The following G3BP2 variants were observed in gnomAD, a reference collection of about 807,000 sequenced individuals.
The protein encoded by G3BP2 is ras GTPase-activating protein-binding protein 2.
In G3BP2, 11 loss-of-function variants were observed where a neutral mutation model predicts 56.7. The observed-to-expected ratio is 0.19, with a 90% CI of 0.12 to 0.32. The LOEUF (loss-of-function observed/expected upper bound fraction) is 0.32, where lower values mean the gene tolerates loss of function less well. Among genes scored for constraint, G3BP2 ranks in the 10% least tolerant of loss-of-function variants. G3BP2 has a pLI of 1.00. For synonymous variants in G3BP2, 165 were observed against 191.6 expected (o/e 0.86, Z 1.15); for missense variants, 340 against 610.9 (o/e 0.56, Z 4.67).
intron 3 of G3BP2, among the ~76,000 whole-genome samples, chr4:75,717,388 G>C (rs746266045): frequency 1.3e-5 from 2 of 152,042 alleles, no homozygotes; most frequent in Non-Finnish European, 1.5e-5. Flanking sequence ...TGCAGAGAGG[G>C]GACCTTGGAA....
At chr4:75,704,012 G>GTTTT (rs11315970) in intron 3 of G3BP2, among the ~76,000 whole-genome samples, 6 of 138,958 alleles carry the variant, frequency 4.3e-5, no homozygotes, top group Admixed American at 7.1e-5. Context: ...TCTATGAAAG[G>GTTTT]TTTTTTTTTT....
intron 8 of G3BP2, among the ~76,000 whole-genome samples, chr4:75,652,502 A>G (rs1432795317): frequency 6.6e-6 from 1 of 152,058 alleles, no homozygotes; most frequent in African/African-American, 2.4e-5. Context: ...GGCACCTACA[A>G]TCCCAGCTAT....
chr4:75,671,806 A>T (rs1250372621), intron 1 of G3BP2, among the ~76,000 whole-genome samples: 1 of 152,258 alleles, frequency 6.6e-6, no homozygotes, highest in African/African-American at 2.4e-5. Context: ...GTTCAAACTC[A>T]TCGTACCGTT....
intron 3 of G3BP2, among the ~76,000 whole-genome samples, chr4:75,704,470 A>G (rs1249116166): frequency 6.6e-6 from 1 of 150,686 alleles, no homozygotes; most frequent in Non-Finnish European, 1.5e-5. Context: ...GGCTTGAGCC[A>G]CCATGCCCAG....
At chr4:75,654,170 C>T (rs750772661) in intron 7 of G3BP2, 89 bp from the exon 8 acceptor site, 1 of 684,172 alleles carries the variant, frequency 1.5e-6, no homozygotes, top group Non-Finnish European at 2.7e-6. Flanking sequence ...ATTTTCTTTT[C>T]ATTTCTAAAC....
At chr4:75,678,707 G>A (rs1310985147) in intron 3 of G3BP2, among the ~76,000 whole-genome samples, 1 of 152,176 alleles carries the variant, frequency 6.6e-6, no homozygotes, top group South Asian at 2.1e-4. Context: ...TTGAATCCCA[G>A]CTTTATCTCA....
intron 3 of G3BP2, among the ~76,000 whole-genome samples, chr4:75,710,476 A>G (rs1262594325): frequency 6.6e-6 from 1 of 152,210 alleles, no homozygotes; most frequent in African/African-American, 2.4e-5. Flanking sequence ...GGAAGTAAGC[A>G]AAATTGACCC....
At chr4:75,713,053 G>A (rs1025164282) in intron 3 of G3BP2, among the ~76,000 whole-genome samples, 7 of 152,110 alleles carry the variant, frequency 4.6e-5, no homozygotes, top group Non-Finnish European at 1.0e-4. Context: ...GGTTAGAGGT[G>A]GGTATTTTTA....
intron 8 of G3BP2, among the ~76,000 whole-genome samples, chr4:75,652,482 C>T (rs1261637765): frequency 2.6e-5 from 4 of 152,054 alleles, no homozygotes; most frequent in East Asian, 1.9e-4. Context: ...ATTAGCCAGG[C>T]GTGGTGGCGG....
At chr4:75,673,620 CAAGAT>C, upstream of G3BP2, 1 of 1,231,002 alleles carries the variant, frequency 8.1e-7, no homozygotes, top group South Asian at 4.1e-5. Context: ...GGCCTAAAGC[CAAGAT>C]AAGAGTCCGC....
chr4:75,667,265 G>C (rs1011051179), intron 1 of G3BP2, among the ~76,000 whole-genome samples: 1 of 146,704 alleles, frequency 6.8e-6, no homozygotes, highest in Non-Finnish European at 1.5e-5. Flanking sequence ...CTCAAACCTG[G>C]GTAACAGGAG....
intron 3 of G3BP2, among the ~76,000 whole-genome samples, chr4:75,701,786 C>A (rs1426751648): frequency 1.3e-5 from 2 of 152,164 alleles, no homozygotes; most frequent in Admixed American, 1.3e-4. Flanking sequence ...AATACTGATA[C>A]AATTTTGGAG....
At chr4:75,684,288 C>CCAG (rs1718474652) in intron 3 of G3BP2, among the ~76,000 whole-genome samples, 1 of 151,928 alleles carries the variant, frequency 6.6e-6, no homozygotes. Context: ...GCCTGTAGTC[C>CCAG]CAGCTACTCA....
At chr4:75,672,475 A>T (rs778865936) in intron 1 of G3BP2, 3 of 152,246 alleles carry the variant, frequency 2.0e-5, no homozygotes, top group Admixed American at 2.0e-4. Flanking sequence ...GATCGTCTGC[A>T]TAAGAGGGGG....
intron 3 of G3BP2, among the ~76,000 whole-genome samples, chr4:75,689,102 GC>G (rs1718742796): frequency 6.6e-6 from 1 of 152,142 alleles, no homozygotes; most frequent in Non-Finnish European, 1.5e-5. Flanking sequence ...GTTTCCAAAG[GC>G]TGGGCGTGGA....
In G3BP2 at chr4:75,645,482, G is replaced by A; in HGVS notation, c.1397C>T (p.Ser466Phe). 1 of 1,613,916 alleles carries A rather than the reference G, an allele frequency of 6.2e-7. No homozygotes were observed. The highest frequency in any genetic ancestry group is 8.5e-7 in the Non-Finnish European group (1 of 1,179,976). ...CTCCATTTGCCCGGTTCCTCTTCCA[G>A]AGCCAAGTTTCTGTGCCATGCCACC... ...PRGGMAQKLG[S>F]GRGTGQMEGR... The change falls in exon 12 of 12, where the codon TCT (serine) becomes TTT (phenylalanine). Residue 466 changes from serine to phenylalanine, a missense_variant. Ser to Phe is a radical substitution (Grantham distance 155). Coordinates refer to ENST00000359707, the MANE Select transcript of G3BP2 (RefSeq NM_203505.3).
chr4:75,716,363 T>C (rs1270675744), intron 3 of G3BP2, among the ~76,000 whole-genome samples: 1 of 152,010 alleles, frequency 6.6e-6, no homozygotes, highest in African/African-American at 2.4e-5. Context: ...TTAGTAGAGA[T>C]GAGGTTTCAC....
chr4:75,700,919 A>G (rs908785197), intron 3 of G3BP2, among the ~76,000 whole-genome samples: 1 of 151,600 alleles, frequency 6.6e-6, no homozygotes, highest in Non-Finnish European at 1.5e-5. Flanking sequence ...GCTCACTGCA[A>G]ACTCCACCTA....
At chr4:75,707,074 C>T (rs961540889) in intron 3 of G3BP2, among the ~76,000 whole-genome samples, 1 of 150,940 alleles carries the variant, frequency 6.6e-6, no homozygotes, top group African/African-American at 2.4e-5. Flanking sequence ...TGCCTGTAAT[C>T]CCAGCTACTC....
Sources: gnomAD v4.1 joint callset for allele counts (sites outside exome capture counted in the v4.1 genomes callset) on GRCh38, gnomAD v4.1.1 for gene constraint, MANE v1.5 for transcripts, NCBI Gene and HGNC (gene_info 2026-07-23, HGNC 2026-07-21) for gene names.